BARD1: variants seen among roughly 807,000 people sequenced by gnomAD.
The protein encoded by BARD1 is BRCA1-associated RING domain protein 1.
BARD1 carries 73 observed loss-of-function variants against 77.0 expected under a neutral mutation model. That is an observed-to-expected ratio of 0.95 (90% CI 0.79 to 1.15). The LOEUF is 1.15. Among genes scored for constraint, BARD1 ranks in the 50% most tolerant of loss-of-function variants. The probability of loss-of-function intolerance (pLI) is 0.00; values close to 1 mark genes in which losing one functional copy is unlikely to be tolerated. For synonymous variants in BARD1, 384 were observed against 338.0 expected, an observed-to-expected ratio of 1.14 and a Z score of -1.49; for missense variants, 993 against 938.8, an observed-to-expected ratio of 1.06 and a Z score of -0.75.
rs138858929 is a variant in BARD1, at chr2:214,744,872, C to A, written c.1903+195G>T. Among the ~76,000 whole-genome samples, 618 of 151,962 alleles carry A rather than the reference C, an allele frequency of 4.1e-3. 5 individuals carry two copies. Among genetic ancestry groups the A allele is most frequent in the African/African-American group, 0.013 (549 of 41,506 alleles). On this transcript the variant is annotated intron_variant, in intron 9 of 10. Transcript: ENST00000260947. ...GATCTCGATCTCCTGGCCTTGTGAT[C>A]CGCCCACCTGGGCCTCCCAAAGTGC...
chr2:214,749,105 A>C (rs533359799), intron 7 of BARD1, among the ~76,000 whole-genome samples: 7 of 152,102 alleles, frequency 4.6e-5, no homozygotes, highest in Admixed American at 2.6e-4. Context: ...AGTGGCACAG[A>C]GCCCTCTCTG....
At position 214,776,389 on chromosome 2, in the gene BARD1, G is replaced by A. The variant is rs116902083; in HGVS notation, c.1314+4171C>T. ...GTAATAAATCAGAAGAATAAACAATGAGTATCTTAGTTTCTACTTACGCAC... is the reference window on the plus strand; with the variant it reads ...GTAATAAATCAGAAGAATAAACAATAAGTATCTTAGTTTCTACTTACGCAC... On this transcript the variant is annotated intron_variant, in intron 4 of 10. Coordinates refer to ENST00000260947, the MANE Select transcript of BARD1 (RefSeq NM_000465.4). Among the ~76,000 whole-genome samples the A allele has an allele frequency of 4.8e-4, 73 of 152,260 alleles. No homozygotes were observed. The East Asian group carries it at 0.014, about 29-fold the overall frequency.
chr2:214,766,959 C>T (rs1694230850), intron 6 of BARD1, among the ~76,000 whole-genome samples: 1 of 152,014 alleles, frequency 6.6e-6, no homozygotes, highest in African/African-American at 2.4e-5. Flanking sequence ...ACTTTTTCTG[C>T]TCCTCTCCCT....
chr2:214,734,727 T>C (rs924272606), intron 9 of BARD1, among the ~76,000 whole-genome samples: 1 of 152,220 alleles, frequency 6.6e-6, no homozygotes, highest in Non-Finnish European at 1.5e-5. Context: ...AAGAAAATTC[T>C]TAAAATACCA....
At chr2:214,765,069 T>C (rs969154315) in intron 6 of BARD1, among the ~76,000 whole-genome samples, 4 of 152,182 alleles carry the variant, frequency 2.6e-5, no homozygotes, top group African/African-American at 9.7e-5. Context: ...CACTGGCACA[T>C]ATGGTTAAAA....
chr2:214,764,475 G>C (rs553178858), intron 6 of BARD1, among the ~76,000 whole-genome samples: 127 of 152,158 alleles, frequency 8.3e-4, no homozygotes, highest in African/African-American at 2.9e-3. Context: ...CATGTACAAA[G>C]GCTAGGAGGT....
chr2:214,787,046 G>C (rs951146426), intron 3 of BARD1, among the ~76,000 whole-genome samples: 2 of 151,836 alleles, frequency 1.3e-5, no homozygotes, highest in Non-Finnish European at 2.9e-5. Context: ...TTAATCCTCT[G>C]ATAGTCTGTA....
At chr2:214,730,776 C>T (rs1351418173) in intron 9 of BARD1, 8 of 488,050 alleles carry the variant, frequency 1.6e-5, no homozygotes, top group African/African-American at 1.6e-4. Context: ...TTTTAATCTC[C>T]TTTCTGAAAA....
intron 1 of BARD1, among the ~76,000 whole-genome samples, chr2:214,807,810 T>A (rs1024034614): frequency 7.2e-5 from 11 of 152,238 alleles, no homozygotes; most frequent in Admixed American, 2.6e-4. Flanking sequence ...GACCACAGTC[T>A]AAGTGAAGCC....
chr2:214,761,043 G>T (rs1693938691), intron 6 of BARD1, among the ~76,000 whole-genome samples: 1 of 150,294 alleles, frequency 6.7e-6, no homozygotes, highest in Non-Finnish European at 1.5e-5. Flanking sequence ...CAATCCACAG[G>T]GACTTTTTAA....
chr2:214,727,446 A>ATT lies in BARD1; in HGVS notation c.*1228_*1229dup, dbSNP rs770699041. ...CCCAAGTCTTTAATTTTATAAGTATATTCAATGTCTAGGAAGGAATTATTA... is the reference window on the plus strand; with the variant it reads ...CCCAAGTCTTTAATTTTATAAGTATATTTTCAATGTCTAGGAAGGAATTATTA... On this transcript the variant is annotated 3_prime_UTR_variant, in exon 11 of 11. Coordinates refer to ENST00000260947, the MANE Select transcript of BARD1 (RefSeq NM_000465.4). 2 of 231,942 alleles carry ATT rather than the reference A, an allele frequency of 8.6e-6. No homozygotes were observed. Among genetic ancestry groups the ATT allele is most frequent in the Non-Finnish European group, 1.7e-5 (2 of 117,220 alleles). 14.4% of individuals were successfully genotyped at this position (231,942 alleles called of 1,614,324 possible).
chr2:214,799,587 T>A (rs79305052), intron 1 of BARD1, among the ~76,000 whole-genome samples: 2,354 of 152,306 alleles, frequency 0.015, 22 homozygotes, highest in Non-Finnish European at 0.023. Flanking sequence ...CTTCCTAAAA[T>A]GTGCTACTCT....
At chr2:214,751,487 C>G (rs1400853243) in intron 7 of BARD1, among the ~76,000 whole-genome samples, 2 of 151,766 alleles carry the variant, frequency 1.3e-5, no homozygotes, top group African/African-American at 4.8e-5. Context: ...TTCCTGACAT[C>G]TCCTGTAGTT....
At chr2:214,762,176 T>C (rs1387791299) in intron 6 of BARD1, among the ~76,000 whole-genome samples, 2 of 152,166 alleles carry the variant, frequency 1.3e-5, no homozygotes, top group African/African-American at 4.8e-5. Context: ...AAAACCATTT[T>C]AATGCATAAA....
At chr2:214,800,770 T>A (rs574985387) in intron 1 of BARD1, among the ~76,000 whole-genome samples, 27 of 152,152 alleles carry the variant, frequency 1.8e-4, no homozygotes, top group Admixed American at 4.6e-4. Context: ...ATACTTTTTT[T>A]AAAAAAAGGA....
intron 1 of BARD1, among the ~76,000 whole-genome samples, chr2:214,804,390 G>C (rs1418292600): frequency 1.3e-5 from 2 of 152,150 alleles, no homozygotes; most frequent in Non-Finnish European, 2.9e-5. Flanking sequence ...CTGGCATTGT[G>C]GCTACAAACG....
chr2:214,731,712 T>C (rs2105993120), intron 9 of BARD1, among the ~76,000 whole-genome samples: 1 of 152,350 alleles, frequency 6.6e-6, no homozygotes, highest in East Asian at 1.9e-4. Flanking sequence ...TTTTGCTCAA[T>C]ACTTCATTTT....
At chr2:214,737,763 T>C (rs1353902519) in intron 9 of BARD1, among the ~76,000 whole-genome samples, 2 of 152,206 alleles carry the variant, frequency 1.3e-5, no homozygotes, top group Non-Finnish European at 2.9e-5. Context: ...ACTAACATTT[T>C]AAGGTTTTAT....
intron 7 of BARD1, among the ~76,000 whole-genome samples, chr2:214,751,151 A>ATATATATATATATTTTTTTT (rs1693429141): frequency 2.7e-5 from 1 of 37,190 alleles, no homozygotes; most frequent in Non-Finnish European, 4.6e-5. Flanking sequence ...ATATATATAT[A>ATATATATATATATTTTTTTT]TTTTTTTTTT....
Sources: allele counts gnomAD v4.1 joint callset (sites outside exome capture counted in the v4.1 genomes callset), GRCh38; gene constraint gnomAD v4.1.1; transcripts MANE v1.5; gene names NCBI Gene and HGNC (gene_info 2026-07-23, HGNC 2026-07-21).